Variants in RARB observed in about 807,000 individuals in gnomAD.
RARB encodes the protein HBV-activated protein.
RARB carries 17 observed loss-of-function variants against 51.9 expected under a neutral mutation model. The observed-to-expected ratio is 0.33, with a 90% CI of 0.22 to 0.49. RARB has a LOEUF of 0.49. Among genes scored for constraint, RARB ranks in the 20% least tolerant of loss-of-function variants. The pLI is 0.99. For synonymous variants in RARB, 215 were observed against 195.4 expected (o/e 1.10, Z -0.84); for missense variants, 369 against 550.8 (o/e 0.67, Z 3.30).
At chr3:24,863,211 C>T (rs774432672) in intron 2 of RARB, among the ~76,000 whole-genome samples, 3 of 152,152 alleles carry the variant, frequency 2.0e-5, no homozygotes, top group Non-Finnish European at 4.4e-5. Flanking sequence ...TGAAAAGATC[C>T]GTACTAACAG....
intron 2 of RARB, among the ~76,000 whole-genome samples, chr3:24,924,023 T>C (rs1289789345): frequency 1.3e-5 from 2 of 152,170 alleles, no homozygotes; most frequent in Non-Finnish European, 2.9e-5. Context: ...CTTGTTCAAG[T>C]ATGCAATTTA....
At chr3:25,401,712 C>T (rs968389297) in intron 5 of RARB, among the ~76,000 whole-genome samples, 2 of 152,110 alleles carry the variant, frequency 1.3e-5, no homozygotes, top group South Asian at 4.1e-4. Context: ...AGTATTCAGA[C>T]GGAAGCACAA....
At chr3:25,342,989 T>C (rs1006830058) in intron 5 of RARB, among the ~76,000 whole-genome samples, 5 of 151,342 alleles carry the variant, frequency 3.3e-5, no homozygotes, top group Admixed American at 2.6e-4. Flanking sequence ...CATAACACAG[T>C]GTGGCTGATT....
Position 24,836,428 on chromosome 3 carries a change from A to C in RARB, c.-459+7025A>C, listed in dbSNP as rs567818654. The stretch of plus-strand genomic sequence containing the variant: ...ACATGAAAACACTGGCAGTCAAAAA[A>C]CATGAGAGTATTCCAACAGCTTCAT... On this transcript the variant is annotated intron_variant, in intron 1 of 11. Coordinates refer to the RARB transcript ENST00000383772. 2.6e-5 allele frequency among the ~76,000 whole-genome samples: 4 copies of C among 152,324 alleles called. No homozygotes were observed. The South Asian group carries it at 8.3e-4, about 32-fold the overall frequency.
chr3:25,168,364 A>G (rs1700592285), intron 4 of RARB, among the ~76,000 whole-genome samples: 1 of 152,128 alleles, frequency 6.6e-6, no homozygotes. Context: ...AGCTGGGATT[A>G]CAGGCAGGTG....
At chr3:25,113,062 G>T (rs1393488791) in intron 3 of RARB, among the ~76,000 whole-genome samples, 1 of 152,084 alleles carries the variant, frequency 6.6e-6, no homozygotes, top group Non-Finnish European at 1.5e-5. Flanking sequence ...TGTTTATTTG[G>T]AAATGAATCA....
chr3:25,176,315 T>G (rs1700743891), intron 5 of RARB, among the ~76,000 whole-genome samples: 2 of 34,216 alleles, frequency 5.8e-5, no homozygotes, highest in African/African-American at 1.8e-4. Context: ...CTTTCTTTCT[T>G]TCTTTCTTTC....
At chr3:24,906,875 C>A (rs1346667834) in intron 2 of RARB, among the ~76,000 whole-genome samples, 183 of 137,556 alleles carry the variant, frequency 1.3e-3, no homozygotes, top group African/African-American at 3.4e-3. Context: ...AGCAAAAAAA[C>A]CCCCCACTAA....
chr3:25,024,734 C>G (rs4858682), intron 2 of RARB, among the ~76,000 whole-genome samples: 86,061 of 151,790 alleles, frequency 0.57, 24,801 homozygotes, highest in East Asian at 0.72. Context: ...GGCCAGATCA[C>G]TTGAGCTCAG....
At chr3:25,516,297 A>T (rs1435445820) in intron 3 of RARB, among the ~76,000 whole-genome samples, 1 of 152,212 alleles carries the variant, frequency 6.6e-6, no homozygotes, top group Admixed American at 6.5e-5. Flanking sequence ...TAATGTAAGA[A>T]TTGTTATTGC....
intron 1 of RARB, among the ~76,000 whole-genome samples, chr3:24,851,525 C>T (rs2125336548): frequency 6.6e-6 from 1 of 152,146 alleles, no homozygotes; most frequent in Non-Finnish European, 1.5e-5. Context: ...TGCCATTCTG[C>T]CAACAGCCTA....
At chr3:24,958,841 T>G (rs1696078865) in intron 2 of RARB, among the ~76,000 whole-genome samples, 1 of 152,166 alleles carries the variant, frequency 6.6e-6, no homozygotes, top group African/African-American at 2.4e-5. Flanking sequence ...CTAGTAGTAT[T>G]TTAGTCAAAC....
At position 25,596,463 on chromosome 3, in the gene RARB, A is replaced by T; in HGVS notation, c.1194A>T (p.Ser398=). The change falls in exon 8 of 8, where the codon TCA becomes TCT. Residue 398 remains serine (S), a synonymous_variant. Coordinates refer to ENST00000330688, the MANE Select transcript of RARB (RefSeq NM_000965.5). ...VITLKMEIPG[S]MPPLIQEMLE... ...CCTTGAAAATGGAAATTCCTGGATC[A>T]ATGCCACCTCTCATTCAAGAAATGC... 1 of 1,613,682 alleles carries T rather than the reference A, an allele frequency of 6.2e-7. No homozygotes were observed. Among genetic ancestry groups the T allele is most frequent in the Non-Finnish European group, 8.5e-7 (1 of 1,179,598 alleles).
chr3:24,858,620 T>G (rs1702677955), intron 1 of RARB: 2 of 152,318 alleles, frequency 1.3e-5, no homozygotes, highest in South Asian at 4.2e-4. Context: ...ATCTAATTTC[T>G]TTTTCTGCAT....
chr3:25,277,440 A>C (rs556856918), intron 5 of RARB, among the ~76,000 whole-genome samples: 55 of 152,354 alleles, frequency 3.6e-4, no homozygotes, highest in African/African-American at 1.3e-3. Context: ...CCTATGGATC[A>C]TAAATAAAAA....
chr3:25,343,067 TGTG>T, intron 5 of RARB, among the ~76,000 whole-genome samples: 1 of 134,024 alleles, frequency 7.5e-6, no homozygotes, highest in Admixed American at 7.7e-5. Flanking sequence ...TGTGTGTGTG[TGTG>T]TGTAATGCTG....
At chr3:25,266,606 T>A (rs146525078) in intron 5 of RARB, among the ~76,000 whole-genome samples, 15 of 152,344 alleles carry the variant, frequency 9.8e-5, no homozygotes, top group African/African-American at 3.4e-4. Flanking sequence ...ATCATGGCTA[T>A]GGATTCAACC....
At chr3:24,885,778 C>A (rs1373097103) in intron 2 of RARB, among the ~76,000 whole-genome samples, 1 of 152,146 alleles carries the variant, frequency 6.6e-6, no homozygotes, top group Non-Finnish European at 1.5e-5. Flanking sequence ...CCATTTAATG[C>A]TCTTCTGCTG....
At chr3:25,586,557 GAC>G (rs1701398500) in intron 5 of RARB, among the ~76,000 whole-genome samples, 1 of 152,206 alleles carries the variant, frequency 6.6e-6, no homozygotes, top group Non-Finnish European at 1.5e-5. Context: ...TTCCCTACAA[GAC>G]ACACGGCTTC....
Sources: gnomAD v4.1 joint callset for allele counts (sites outside exome capture counted in the v4.1 genomes callset) on GRCh38, gnomAD v4.1.1 for gene constraint, MANE v1.5 for transcripts, NCBI Gene and HGNC (gene_info 2026-07-23, HGNC 2026-07-21) for gene names.